The following SCN9A variants were observed in gnomAD, a reference collection of about 807,000 sequenced individuals.
SCN9A encodes the protein sodium voltage-gated channel alpha subunit 9, also known as sodium channel protein type 9 subunit alpha.
Under a neutral mutation model 187.0 loss-of-function variants are expected in SCN9A, and 131 were observed. The observed-to-expected ratio is 0.70, with a 90% CI of 0.61 to 0.81. SCN9A has a LOEUF of 0.81. Ranked by LOEUF, SCN9A falls within the 30% of genes least tolerant of loss-of-function variation. The pLI is 0.00. For missense variants in SCN9A, 2,252 were observed against 2,396.6 expected (o/e 0.94, Z 1.26); for synonymous variants, 809 against 808.6 (o/e 1.00, Z -0.01).
At chr2:166,259,956 A>G (rs1488310439) in intron 17 of SCN9A, among the ~76,000 whole-genome samples, 1 of 151,798 alleles carries the variant, frequency 6.6e-6, no homozygotes, top group Non-Finnish European at 1.5e-5. Context: ...TATGCATAAA[A>G]TATAGAATCA....
intron 1 of SCN9A, among the ~76,000 whole-genome samples, chr2:166,319,428 GTTTC>G (rs1699185391): frequency 1.3e-5 from 2 of 151,070 alleles, no homozygotes; most frequent in Admixed American, 6.6e-5. Flanking sequence ...AAGGGAATTT[GTTTC>G]TTTAGAACGT....
intron 1 of SCN9A, among the ~76,000 whole-genome samples, chr2:166,322,271 A>G (rs1272294439): frequency 3.3e-5 from 5 of 152,224 alleles, no homozygotes; most frequent in Non-Finnish European, 2.9e-5. Flanking sequence ...GATCCAATGT[A>G]AAATGAATAA....
At chr2:166,214,503 C>CTTTT (rs34494272) in intron 24 of SCN9A, among the ~76,000 whole-genome samples, 19 of 64,266 alleles carry the variant, frequency 3.0e-4, no homozygotes, top group Admixed American at 6.0e-4. Flanking sequence ...TACAATCTTT[C>CTTTT]TTTTTTTTTT....
At chr2:166,238,582 A>G (rs1391957203) in intron 19 of SCN9A, among the ~76,000 whole-genome samples, 1 of 152,154 alleles carries the variant, frequency 6.6e-6, no homozygotes, top group African/African-American at 2.4e-5. Flanking sequence ...TCTCCATTAA[A>G]ATTGGATAAG....
At chr2:166,225,626 A>G (rs545497717) in intron 24 of SCN9A, among the ~76,000 whole-genome samples, 2 of 152,328 alleles carry the variant, frequency 1.3e-5, no homozygotes, top group African/African-American at 4.8e-5. Context: ...GAAGGTACAT[A>G]TAAGTCCTAA....
chr2:166,208,370 G>A (rs988257680), intron 24 of SCN9A, among the ~76,000 whole-genome samples: 2 of 152,094 alleles, frequency 1.3e-5, no homozygotes, highest in Non-Finnish European at 2.9e-5. Flanking sequence ...GATAAATTGA[G>A]GTAATGCATG....
chr2:166,263,174 G>A (rs1696588419), intron 17 of SCN9A, among the ~76,000 whole-genome samples: 2 of 151,960 alleles, frequency 1.3e-5, no homozygotes, highest in African/African-American at 2.4e-5. Context: ...CCAGAGGGTT[G>A]TCACAGCATC....
chr2:166,318,127 G>C lies in SCN9A; in HGVS notation c.-50-6321C>G, dbSNP rs372495273. Reference sequence around the variant, plus strand: ...TTTATCTCCAAGCTATCACCAAAAGGATAATATCTGCATTAATTAAGGTAG... The same window carrying C: ...TTTATCTCCAAGCTATCACCAAAAGCATAATATCTGCATTAATTAAGGTAG... On this transcript the variant is annotated intron_variant, in intron 1 of 26. Coordinates refer to ENST00000642356, the MANE Select transcript of SCN9A (RefSeq NM_001365536.1). 8.5e-5 allele frequency among the ~76,000 whole-genome samples: 13 copies of C among 152,180 alleles called. No individual in the cohort carries two copies. The East Asian group carries it at 1.5e-3, about 18-fold the overall frequency.
Position 166,234,453 on chromosome 2 carries a change from T to C in SCN9A, c.3802-991A>G, listed in dbSNP as rs79519972. ...AACAGATGAGAGCCAACTTTATATA[T>C]TTATCTATTTCAGGCGTAGAAAAAG... On this transcript the variant is annotated intron_variant, in intron 20 of 26. Coordinates refer to ENST00000642356, the MANE Select transcript of SCN9A (RefSeq NM_001365536.1). Among the ~76,000 whole-genome samples the C allele has an allele frequency of 8.5e-3, 1,288 of 152,292 alleles. 12 individuals are homozygous for C. The highest frequency in any genetic ancestry group is 9.2e-3 in the Non-Finnish European group (628 of 68,018).
chr2:166,222,959 AAAAAAAAAAAAAACAGCAAC>A (rs1694678896), intron 24 of SCN9A, among the ~76,000 whole-genome samples: 1 of 146,906 alleles, frequency 6.8e-6, no homozygotes, highest in African/African-American at 2.5e-5. Context: ...AAAAAAAAAA[AAAAAAAAAAAAAACAGCAAC>A]AAAAAACCGT....
chr2:166,255,058 C>T (rs1696206253), intron 17 of SCN9A, among the ~76,000 whole-genome samples: 1 of 151,028 alleles, frequency 6.6e-6, no homozygotes, highest in African/African-American at 2.4e-5. Flanking sequence ...TAAAAGTTCC[C>T]TCCACTATCT....
intron 1 of SCN9A, among the ~76,000 whole-genome samples, chr2:166,315,408 C>T (rs1699084420): frequency 2.6e-5 from 4 of 152,170 alleles, no homozygotes; most frequent in Admixed American, 2.6e-4. Context: ...ACATGCTCAA[C>T]ACAGCTCCAG....
intron 14 of SCN9A, among the ~76,000 whole-genome samples, chr2:166,279,543 A>T (rs1336890817): frequency 6.6e-6 from 1 of 152,096 alleles, no homozygotes; most frequent in African/African-American, 2.4e-5. Flanking sequence ...AATTTTACTA[A>T]TTGGATCTTA....
At chr2:166,219,474 A>T (rs1258447196) in intron 24 of SCN9A, among the ~76,000 whole-genome samples, 3 of 152,178 alleles carry the variant, frequency 2.0e-5, no homozygotes, top group African/African-American at 7.2e-5. Flanking sequence ...CAGGAACAGA[A>T]AACCAAATAC....
intron 24 of SCN9A, among the ~76,000 whole-genome samples, chr2:166,220,369 A>T (rs1694529891): frequency 2.6e-5 from 4 of 152,216 alleles, no homozygotes; most frequent in Admixed American, 2.6e-4. Flanking sequence ...TGTTTAAGTT[A>T]TGAGAATTTT....
chr2:166,280,619 T>C (rs202078649), intron 13 of SCN9A, 24 bp from the exon 14 acceptor site: 1 of 1,361,904 alleles, frequency 7.3e-7, no homozygotes, highest in Non-Finnish European at 1.0e-6. Flanking sequence ...GCAGAGAACA[T>C]GGAGTCAGCC....
At chr2:166,217,913 G>T (rs1694405458) in intron 24 of SCN9A, among the ~76,000 whole-genome samples, 2 of 151,772 alleles carry the variant, frequency 1.3e-5, no homozygotes, top group Non-Finnish European at 2.9e-5. Flanking sequence ...TCTGTCAAAG[G>T]TATACCTGCA....
intron 1 of SCN9A, among the ~76,000 whole-genome samples, chr2:166,330,742 G>T (rs1299164016): frequency 6.6e-6 from 1 of 152,154 alleles, no homozygotes; most frequent in Non-Finnish European, 1.5e-5. Context: ...TCCCTCGTAT[G>T]TGCAGTTCAC....
rs756116554 is a variant in SCN9A, at chr2:166,204,466, TAAAG to T, written c.4399-6_4399-3del. ...CATAAAGATGTCTTGACCTCCAAGG[TAAAG>T]AAACAAACAAAAAATAAATGTAGTT... On this transcript the variant is annotated splice_region_variant and splice_polypyrimidine_tract_variant and intron_variant, in intron 24 of 26. Coordinates refer to ENST00000642356, the MANE Select transcript of SCN9A (RefSeq NM_001365536.1). 35 of 1,429,150 alleles carry T rather than the reference TAAAG, an allele frequency of 2.4e-5. 1 individual carries two copies. The East Asian group carries it at 8.4e-4, about 34-fold the overall frequency. The allele number at this position is 1,429,150 out of a possible 1,614,324, so 88.5% of individuals were successfully genotyped here. A position where few individuals can be genotyped will look rare whatever the true frequency, so the allele number is the denominator to read the frequency against.
Sources: allele counts gnomAD v4.1 joint callset (sites outside exome capture counted in the v4.1 genomes callset), GRCh38; gene constraint gnomAD v4.1.1; transcripts MANE v1.5; gene names NCBI Gene and HGNC (gene_info 2026-07-23, HGNC 2026-07-21).